PLXDC2: variants seen among roughly 807,000 people sequenced by gnomAD.
The protein encoded by PLXDC2 is plexin domain-containing protein 2.
Under a neutral mutation model 68.9 loss-of-function variants are expected in PLXDC2, and 40 were observed. The ratio of observed to expected loss-of-function variants is 0.58; its 90% CI spans 0.45 to 0.76. PLXDC2 has a LOEUF of 0.76. Among genes scored for constraint, PLXDC2 ranks in the 30% least tolerant of loss-of-function variants. The pLI is 0.00. For synonymous variants in PLXDC2, 243 were observed against 234.2 expected (o/e 1.04, Z -0.34); for missense variants, 644 against 661.9 (o/e 0.97, Z 0.30).
chr10:19,990,722 G>T (rs1224509921), intron 1 of PLXDC2, among the ~76,000 whole-genome samples: 1 of 151,944 alleles, frequency 6.6e-6, no homozygotes, highest in African/African-American at 2.4e-5. Flanking sequence ...TACAATGTTA[G>T]TTAAATTATG....
In PLXDC2 at chr10:20,054,839, A is replaced by G. The variant is rs531636050; in HGVS notation, c.471+7824A>G. On this transcript the variant is annotated intron_variant, in intron 3 of 13. Coordinates refer to ENST00000377252, the MANE Select transcript of PLXDC2 (RefSeq NM_032812.9). ...TTCACGTTGTGCACATGTACCCTAA[A>G]ACTTAAAGTATAATAATAAAAAAAA... 4.8e-4 allele frequency among the ~76,000 whole-genome samples: 73 copies of G among 152,112 alleles called. 2 individuals are homozygous for G. The South Asian group carries it at 0.015, about 31-fold the overall frequency.
Position 19,882,952 on chromosome 10 carries a change from C to CTTT in PLXDC2, c.112+65761_112+65762insTTT, listed in dbSNP as rs1564618216. On this transcript the variant is annotated intron_variant, in intron 1 of 13. Coordinates refer to ENST00000377252, the MANE Select transcript of PLXDC2 (RefSeq NM_032812.9). ...CAATTAAAATTTTTTTTTTTTTTTT[C>CTTT]CTTTCTTTCTTTTTTTTTTTTTGAG... Among the ~76,000 whole-genome samples, 395 of 138,396 alleles carry CTTT rather than the reference C, an allele frequency of 2.9e-3. 2 individuals are homozygous for CTTT. The highest frequency in any genetic ancestry group is 0.01 in the African/African-American group (379 of 37,392). The allele number at this position is 138,396 out of a possible 152,430, so 90.8% of individuals were successfully genotyped here. A position where few individuals can be genotyped will look rare whatever the true frequency, so the allele number is the denominator to read the frequency against.
At position 20,029,341 on chromosome 10, in the gene PLXDC2, C is replaced by T. The variant is rs1564662158; in HGVS notation, c.325-17528C>T. The stretch of plus-strand genomic sequence containing the variant: ...ATACCTACTTGCCCTTCATACCTCC[C>T]ACATACATAATCCATGCATCATGAA... On this transcript the variant is annotated intron_variant, in intron 2 of 13. Transcript: ENST00000377252. 5.3e-5 allele frequency among the ~76,000 whole-genome samples: 8 copies of T among 152,242 alleles called. No individual in the cohort carries two copies. The South Asian group carries it at 1.7e-3, about 32-fold the overall frequency.
rs780781290 is a variant in PLXDC2 at position 20,164,456 on chromosome 10, G to T, written c.784-12G>T. 1 of 1,599,128 alleles carries T rather than the reference G, an allele frequency of 6.3e-7. No individual in the cohort carries two copies. The highest frequency in any genetic ancestry group is 1.1e-5 in the South Asian group (1 of 90,738). On this transcript the variant is annotated splice_polypyrimidine_tract_variant and intron_variant, in intron 6 of 13. Coordinates refer to ENST00000377252, the MANE Select transcript of PLXDC2 (RefSeq NM_032812.9). The stretch of plus-strand genomic sequence containing the variant: ...GATCTAACATATAGTTACCTGCTTT[G>T]TTTTTTTCCAGATTCCTGTCTTGGT...
At chr10:20,199,098 TAATA>T (rs1834882925) in intron 9 of PLXDC2, among the ~76,000 whole-genome samples, 1 of 152,050 alleles carries the variant, frequency 6.6e-6, no homozygotes, top group Non-Finnish European at 1.5e-5. Context: ...CATAGTCAAA[TAATA>T]AATCTATTTT....
chr10:19,895,984 C>T (rs562842187), intron 1 of PLXDC2, among the ~76,000 whole-genome samples: 6 of 152,168 alleles, frequency 3.9e-5, no homozygotes, highest in Non-Finnish European at 8.8e-5. Flanking sequence ...CATGGTACCA[C>T]TCCAGGAAGG....
intron 9 of PLXDC2, among the ~76,000 whole-genome samples, chr10:20,200,784 A>T (rs895749801): frequency 2.6e-5 from 4 of 152,136 alleles, no homozygotes; most frequent in Admixed American, 1.3e-4. Flanking sequence ...AATACTCAAC[A>T]TCATTAATCA....
At chr10:20,248,563 C>A (rs1429032376) in intron 13 of PLXDC2, among the ~76,000 whole-genome samples, 1 of 152,032 alleles carries the variant, frequency 6.6e-6, no homozygotes, top group Non-Finnish European at 1.5e-5. Context: ...TTTTTCCTTC[C>A]TGTGGAGTCA....
In PLXDC2 at chr10:20,164,507, C is replaced by A; in HGVS notation, c.823C>A (p.Pro275Thr). 1 of 1,613,686 alleles carries A rather than the reference C, an allele frequency of 6.2e-7. No individual in the cohort carries two copies. The highest frequency in any genetic ancestry group is 8.5e-7 in the Non-Finnish European group (1 of 1,179,774). ...CACACAGATAAGTTCAACCAATCAT[C>A]CAGTGAAAGTCGGACTGTCCGATGC... ...LVTQISSTNH[P>T]VKVGLSDAFV... The change falls in exon 7 of 14, where the codon CCA becomes ACA. Residue 275 changes from proline to threonine, a missense_variant. Around this residue, in one of 3 missense-constraint regions of PLXDC2, gnomAD observed 330 missense variants for 327.9 expected, o/e 1.01. Transcript: ENST00000377252.
chr10:19,995,085 C>T (rs1834820628), intron 1 of PLXDC2, among the ~76,000 whole-genome samples: 1 of 152,068 alleles, frequency 6.6e-6, no homozygotes, highest in Non-Finnish European at 1.5e-5. Context: ...GTATTATATG[C>T]CAATGTCCAT....
rs75227563 is a variant in PLXDC2, at chr10:19,954,236, A to C, written c.113-47539A>C. Among the ~76,000 whole-genome samples the C allele has an allele frequency of 1.2e-3, 185 of 152,186 alleles. 7 individuals carry two copies. In the East Asian group the frequency reaches 0.035, roughly 29 times the overall value. ...TTTGGTATATTGACTGATTTTCTCTATCAGCCCATTTAACATTATCTACTG... is the reference window on the plus strand; with the variant it reads ...TTTGGTATATTGACTGATTTTCTCTCTCAGCCCATTTAACATTATCTACTG... On this transcript the variant is annotated intron_variant, in intron 1 of 13. Transcript: ENST00000377252.
chr10:20,091,128 T>C (rs1451367125), intron 4 of PLXDC2, among the ~76,000 whole-genome samples: 1 of 152,204 alleles, frequency 6.6e-6, no homozygotes, highest in Non-Finnish European at 1.5e-5. Context: ...AATTCAGTTG[T>C]ATCTGTCCAC....
intron 4 of PLXDC2, among the ~76,000 whole-genome samples, chr10:20,132,342 T>C (rs1459225174): frequency 1.3e-5 from 2 of 152,232 alleles, no homozygotes; most frequent in Non-Finnish European, 2.9e-5. Flanking sequence ...AAACGTTCTA[T>C]ATATCTCTGT....
chr10:19,933,414 T>C (rs1833672440), intron 1 of PLXDC2, among the ~76,000 whole-genome samples: 1 of 151,958 alleles, frequency 6.6e-6, no homozygotes, highest in South Asian at 2.1e-4. Flanking sequence ...GGTGGGTGGA[T>C]CACGAGGTCA....
chr10:20,259,570 C>T (rs1248735311), intron 13 of PLXDC2, among the ~76,000 whole-genome samples: 1 of 152,170 alleles, frequency 6.6e-6, no homozygotes, highest in Non-Finnish European at 1.5e-5. Context: ...TAACAAACCG[C>T]CCATAGCCAC....
chr10:19,965,718 T>TGG (rs35811823), intron 1 of PLXDC2, among the ~76,000 whole-genome samples: 9 of 135,502 alleles, frequency 6.6e-5, no homozygotes, highest in South Asian at 2.7e-4. Flanking sequence ...CAGTTTTTTT[T>TGG]GGGGGGGGGG....
At chr10:19,935,614 C>T (rs1415378377) in intron 1 of PLXDC2, among the ~76,000 whole-genome samples, 2 of 152,170 alleles carry the variant, frequency 1.3e-5, no homozygotes, top group African/African-American at 4.8e-5. Flanking sequence ...CTTGGCTCAG[C>T]ATCCAAGAGA....
intron 7 of PLXDC2, among the ~76,000 whole-genome samples, chr10:20,168,137 G>A (rs1336127738): frequency 2.0e-5 from 3 of 152,114 alleles, no homozygotes; most frequent in Admixed American, 6.6e-5. Context: ...CTCAAAAAGA[G>A]AGGGAAAAGT....
chr10:20,175,312 G>A (rs547808594), intron 7 of PLXDC2, among the ~76,000 whole-genome samples: 130 of 152,284 alleles, frequency 8.5e-4, no homozygotes, highest in African/African-American at 2.9e-3. Flanking sequence ...AGAAAAGCTA[G>A]CAAAGGAGCC....
Sources: gnomAD v4.1 joint callset for allele counts (sites outside exome capture counted in the v4.1 genomes callset) on GRCh38, gnomAD v4.1.1 for gene constraint, gnomAD v4.1.1 regional missense constraint, MANE v1.5 for transcripts, NCBI Gene and HGNC (gene_info 2026-07-23, HGNC 2026-07-21) for gene names.